Variants in MSMO1 observed in about 807,000 individuals in gnomAD.
The protein encoded by MSMO1 is methylsterol monooxygenase 1.
MSMO1 carries 18 observed loss-of-function variants against 30.4 expected under a neutral mutation model. The observed-to-expected ratio is 0.59, with a 90% CI of 0.41 to 0.88. MSMO1 has a LOEUF of 0.88. Ranked by LOEUF, MSMO1 falls within the 40% of genes least tolerant of loss-of-function variation. The pLI is 0.00. For missense variants in MSMO1, 284 were observed against 340.5 expected, an observed-to-expected ratio of 0.83 and a Z score of 1.31; for synonymous variants, 84 against 107.9, an observed-to-expected ratio of 0.78 and a Z score of 1.37.
At chr4:165,341,366 A>C (rs867481974) in intron 5 of MSMO1, among the ~76,000 whole-genome samples, 3 of 152,168 alleles carry the variant, frequency 2.0e-5, no homozygotes, top group Non-Finnish European at 4.4e-5. Flanking sequence ...GACTTTTCCT[A>C]AAAAACATAT....
intron 4 of MSMO1, among the ~76,000 whole-genome samples, chr4:165,339,969 T>C (rs1246602885): frequency 1.1e-4 from 16 of 152,184 alleles, no homozygotes. Context: ...AGAATCCTTC[T>C]TCAGGAAACC....
chr4:165,338,313 T>TATATATATATATATACACAC (rs1747616880), intron 3 of MSMO1, among the ~76,000 whole-genome samples: 1 of 112,092 alleles, frequency 8.9e-6, no homozygotes, highest in Non-Finnish European at 1.7e-5. Flanking sequence ...TGTGTATATA[T>TATATATATATATATACACAC]ATATATATAT....
chr4:165,341,600 G>T (rs1747716547), intron 5 of MSMO1, 151 bp from the exon 6 acceptor site: 3 of 625,762 alleles, frequency 4.8e-6, no homozygotes, highest in African/African-American at 3.7e-5. Flanking sequence ...CATTTTCTGT[G>T]TTTGCTGTTT....
At chr4:165,339,148 A>G (rs1747646705) in intron 4 of MSMO1, among the ~76,000 whole-genome samples, 1 of 101,966 alleles carries the variant, frequency 9.8e-6, no homozygotes, top group Non-Finnish European at 1.8e-5. Flanking sequence ...CTTGTTGCCC[A>G]GGCTGGACTG....
intron 2 of MSMO1, among the ~76,000 whole-genome samples, chr4:165,335,727 A>G (rs1031321309): frequency 2.0e-5 from 3 of 152,220 alleles, no homozygotes; most frequent in Non-Finnish European, 4.4e-5. Context: ...GTGGCAAAGG[A>G]AAGAATAAGC....
At chr4:165,328,040 G>A (rs1482377239) in intron 1 of MSMO1, 1 of 152,360 alleles carries the variant, frequency 6.6e-6, no homozygotes, top group Non-Finnish European at 1.5e-5. Context: ...TGTTGTCTTC[G>A]GGAGACAGGA....
intron 2 of MSMO1, among the ~76,000 whole-genome samples, chr4:165,335,077 G>T (rs569778797): frequency 6.6e-6 from 1 of 152,148 alleles, no homozygotes; most frequent in African/African-American, 2.4e-5. Context: ...GAGAGGATTC[G>T]TGTAGGTTAT....
rs776498962 is a variant in MSMO1 at position 165,338,733 on chromosome 4, C to A, written c.486C>A (p.His162Gln). 1 of 1,594,484 alleles carries A rather than the reference C, an allele frequency of 6.3e-7. No homozygotes were observed. Among genetic ancestry groups the A allele is most frequent in the East Asian group, 2.2e-5 (1 of 44,670 alleles). The stretch of plus-strand genomic sequence containing the variant: ...ATTTTCTGCATAGACTCTTACACCA[C>A]AAAAGAATATACAAGTATATTCATA... ...WHYFLHRLLH[H>Q]KRIYKYIHKV... Residue 162 changes from histidine (H) to glutamine (Q), a missense_variant, in exon 4 of 6, where the codon CAC (histidine) becomes CAA (glutamine). Coordinates refer to ENST00000261507, the MANE Select transcript of MSMO1 (RefSeq NM_006745.5).
chr4:165,337,905 T>C lies in MSMO1; in HGVS notation c.372T>C (p.Asn124=), dbSNP rs148185089. 741 of 1,613,614 alleles carry C rather than the reference T, an allele frequency of 4.6e-4. No individual in the cohort carries two copies. The highest frequency in any genetic ancestry group is 6.2e-4 in the Admixed American group (37 of 60,006). ...CGTYYFTEYF[N]IPYDWERMPR... is the part of the protein sequence containing the mutation. ...CCTATTATTTTACAGAGTATTTCAA[T>C]ATTCCTTATGATTGGGAAAGAATGC... Residue 124 remains asparagine (N), a synonymous_variant, in exon 3 of 6, where the codon AAT becomes AAC. Transcript: ENST00000261507.
intron 2 of MSMO1, among the ~76,000 whole-genome samples, 175 bp from the exon 3 acceptor site, chr4:165,337,614 G>T (rs1431995165): frequency 6.6e-6 from 1 of 152,200 alleles, no homozygotes; most frequent in Non-Finnish European, 1.5e-5. Flanking sequence ...TTCTTCACCT[G>T]AAGTAGTGAT....
At chr4:165,339,126 T>TA (rs1366330501) in intron 4 of MSMO1, among the ~76,000 whole-genome samples, 1 of 110,882 alleles carries the variant, frequency 9.0e-6, no homozygotes, top group Admixed American at 9.7e-5. Context: ...TTTTTTGAGA[T>TA]AGAGTTTTGC....
intron 1 of MSMO1, among the ~76,000 whole-genome samples, chr4:165,329,723 C>T (rs1747339800): frequency 6.7e-6 from 1 of 148,870 alleles, no homozygotes; most frequent in Non-Finnish European, 1.5e-5. Flanking sequence ...CAACCTCAGC[C>T]TCCCGGGTTC....
chr4:165,333,354 C>T lies in MSMO1; in HGVS notation c.-17C>T. ...CATTTCTACAGAATTATAAGGCTGT[C>T]TGCAGAGATTTGAAAAATGGCAACA... On this transcript the variant is annotated 5_prime_UTR_variant, in exon 2 of 6. Coordinates refer to ENST00000261507, the MANE Select transcript of MSMO1 (RefSeq NM_006745.5). The T allele has an allele frequency of 6.2e-7, 1 of 1,611,122 alleles. No individual in the cohort carries two copies. The highest frequency in any genetic ancestry group is 8.5e-7 in the Non-Finnish European group (1 of 1,179,354).
intron 2 of MSMO1, among the ~76,000 whole-genome samples, chr4:165,335,362 A>G (rs1747510536): frequency 6.6e-6 from 1 of 152,142 alleles, no homozygotes. Context: ...GCAAAGGGTA[A>G]AGGCGAAGGA....
chr4:165,329,625 A>ATTTTTTTTTTTTTT lies in MSMO1; in HGVS notation c.-32+1875_-32+1888dup, dbSNP rs1171733863. Among the ~76,000 whole-genome samples the ATTTTTTTTTTTTTT allele has an allele frequency of 2.9e-4, 20 of 68,004 alleles. 3 individuals are homozygous for ATTTTTTTTTTTTTT. Among genetic ancestry groups the ATTTTTTTTTTTTTT allele is most frequent in the African/African-American group, 9.2e-4 (14 of 15,150 alleles). The allele number at this position is 68,004 out of a possible 152,430, so 44.6% of individuals were successfully genotyped here. On this transcript the variant is annotated intron_variant, in intron 1 of 5. Transcript: ENST00000261507. ...ATTTGGCAGCTGGAGATCCATAGCG[A>ATTTTTTTTTTTTTT]TTTTTTTTTTTTTTTTTTTTTTTTT...
Position 165,340,445 on chromosome 4 carries a change from CAT to C in MSMO1, c.686+73_686+74del. ...TTTATTTTCATGGCCATAAGATTAT[CAT>C]ATTTCTAAGGAGACTAATAGGAGAA... is the stretch of plus-strand genomic sequence containing the variant. On this transcript the variant is annotated intron_variant, in intron 5 of 5. Transcript: ENST00000261507. 3.8e-6 allele frequency: 5 copies of C among 1,323,644 alleles called. No individual in the cohort carries two copies. The Admixed American group carries it at 8.5e-5, about 22-fold the overall frequency. The allele number at this position is 1,323,644 out of a possible 1,614,324, so 82.0% of individuals were successfully genotyped here.
intron 1 of MSMO1, among the ~76,000 whole-genome samples, chr4:165,329,801 A>T (rs1747342010): frequency 1.3e-5 from 2 of 151,310 alleles, no homozygotes. Context: ...CACCCGGCTA[A>T]TTTTTTTGTA....
chr4:165,328,388 A>T (rs559479818), intron 1 of MSMO1, among the ~76,000 whole-genome samples: 7 of 152,344 alleles, frequency 4.6e-5, no homozygotes, highest in Non-Finnish European at 8.8e-5. Flanking sequence ...CTTGATCTTT[A>T]TGCTTAGGGC....
At chr4:165,338,197 T>G (rs550112820) in intron 3 of MSMO1, among the ~76,000 whole-genome samples, 1 of 151,966 alleles carries the variant, frequency 6.6e-6, no homozygotes, top group African/African-American at 2.4e-5. Flanking sequence ...GTATAAGTGC[T>G]TATGTTGACA....
Sources: gnomAD v4.1 joint callset for allele counts (sites outside exome capture counted in the v4.1 genomes callset) on GRCh38, gnomAD v4.1.1 for gene constraint, MANE v1.5 for transcripts, NCBI Gene and HGNC (gene_info 2026-07-23, HGNC 2026-07-21) for gene names.